Variants in CNTNAP2 observed in about 807,000 individuals in gnomAD.
CNTNAP2 encodes the protein contactin associated protein 2.
CNTNAP2 carries 98 observed loss-of-function variants against 155.2 expected under a neutral mutation model. That is an observed-to-expected ratio of 0.63 (90% confidence interval 0.54 to 0.75). The LOEUF (loss-of-function observed/expected upper bound fraction) is 0.75, where lower values mean the gene tolerates loss of function less well. Among genes scored for constraint, CNTNAP2 ranks in the 30% least tolerant of loss-of-function variants. The pLI is 0.00. For missense variants in CNTNAP2, 1,727 were observed against 1,688.1 expected (o/e 1.02, Z -0.40); for synonymous variants, 651 against 631.2 (o/e 1.03, Z -0.47).
intron 22 of CNTNAP2, among the ~76,000 whole-genome samples, chr7:148,399,364 A>G (rs1799536808): frequency 6.6e-6 from 1 of 152,188 alleles, no homozygotes; most frequent in African/African-American, 2.4e-5. Flanking sequence ...TCCCAGCTAC[A>G]TGAGTCCAGG....
Position 147,950,381 on chromosome 7 carries a change from AAAAAAAAAAAAAG to A in CNTNAP2, c.2256-27479_2256-27467del, listed in dbSNP as rs1800905711. Among the ~76,000 whole-genome samples the A allele has an allele frequency of 3.3e-5, 5 of 150,968 alleles. No individual in the cohort carries two copies. The South Asian group carries it at 1.0e-3, about 32-fold the overall frequency. ...TAGAGAGGCAAAAAAAAAAAAAAAA[AAAAAAAAAAAAAG>A]ACCTTACAGTTTTGTTTATTGTGCT... On this transcript the variant is annotated intron_variant, in intron 14 of 23. Coordinates refer to ENST00000361727, the MANE Select transcript of CNTNAP2 (RefSeq NM_014141.6).
At chr7:146,381,948 A>G (rs112172309) in intron 1 of CNTNAP2, among the ~76,000 whole-genome samples, 6,270 of 152,224 alleles carry the variant, frequency 0.041, 462 homozygotes, top group African/African-American at 0.14. Context: ...TCCTTCCCTG[A>G]TTAAGGTTTG....
At chr7:147,921,510 T>A (rs1313157428) in intron 14 of CNTNAP2, among the ~76,000 whole-genome samples, 1 of 152,190 alleles carries the variant, frequency 6.6e-6, no homozygotes, top group South Asian at 2.1e-4. Context: ...AAAATAGACT[T>A]TTCCAAAGTC....
chr7:147,728,197 G>A (rs978321368), intron 13 of CNTNAP2, among the ~76,000 whole-genome samples: 1 of 146,380 alleles, frequency 6.8e-6, no homozygotes, highest in African/African-American at 2.5e-5. Context: ...GTGTGTGTGT[G>A]ATCAATTCTT....
At chr7:147,768,500 G>GA (rs1797417262) in intron 13 of CNTNAP2, among the ~76,000 whole-genome samples, 1 of 152,022 alleles carries the variant, frequency 6.6e-6, no homozygotes, top group Non-Finnish European at 1.5e-5. Context: ...AGATAAATGG[G>GA]AAAAATAGAA....
chr7:147,042,859 C>T (rs1799285938), intron 3 of CNTNAP2, among the ~76,000 whole-genome samples: 1 of 151,912 alleles, frequency 6.6e-6, no homozygotes, highest in African/African-American at 2.4e-5. Context: ...ATTTAGAATG[C>T]ATATTTGTAT....
At chr7:147,932,063 G>T (rs1349390230) in intron 14 of CNTNAP2, among the ~76,000 whole-genome samples, 1 of 151,834 alleles carries the variant, frequency 6.6e-6, no homozygotes, top group Non-Finnish European at 1.5e-5. Flanking sequence ...TTTTTTTATT[G>T]TTTGTAGAGA....
chr7:148,331,502 TGATG>T lies in CNTNAP2; in HGVS notation c.3476-52128_3476-52125del, dbSNP rs1196063287. ...GACGGATGGAATGGACAGATGGAGT[TGATG>T]GATGGATGGATGGATGGAATGGATG... On this transcript the variant is annotated intron_variant, in intron 21 of 23. Coordinates refer to ENST00000361727, the MANE Select transcript of CNTNAP2 (RefSeq NM_014141.6). Among the ~76,000 whole-genome samples, 87 of 46,868 alleles carry T rather than the reference TGATG, an allele frequency of 1.9e-3. 3 individuals are homozygous for T. The highest frequency in any genetic ancestry group is 7.8e-3 in the African/African-American group (79 of 10,156). 30.7% of individuals were successfully genotyped at this position (46,868 alleles called of 152,430 possible). A position where few individuals can be genotyped will look rare whatever the true frequency, so the allele number is the denominator to read the frequency against.
At chr7:146,220,527 A>G (rs1486520729) in intron 1 of CNTNAP2, among the ~76,000 whole-genome samples, 2 of 152,188 alleles carry the variant, frequency 1.3e-5, no homozygotes, top group African/African-American at 4.8e-5. Flanking sequence ...GTACTAGTAT[A>G]GAAAGCACCT....
At chr7:147,718,204 G>T (rs538656541) in intron 13 of CNTNAP2, among the ~76,000 whole-genome samples, 41 of 152,172 alleles carry the variant, frequency 2.7e-4, no homozygotes, top group Middle Eastern at 6.8e-3. Flanking sequence ...GCCATGGAAT[G>T]CTGCCTCAAA....
At chr7:146,633,440 T>C (rs1250171764) in intron 1 of CNTNAP2, among the ~76,000 whole-genome samples, 1 of 152,120 alleles carries the variant, frequency 6.6e-6, no homozygotes, top group Non-Finnish European at 1.5e-5. Flanking sequence ...AGGAGATAGC[T>C]TTGTTCTGTA....
intron 1 of CNTNAP2, among the ~76,000 whole-genome samples, chr7:146,479,610 TA>T (rs960444811): frequency 2.7e-4 from 41 of 152,120 alleles, no homozygotes; most frequent in South Asian, 1.2e-3. Context: ...AATTAATTTA[TA>T]AAAAATTAAG....
At chr7:146,412,600 T>G (rs890415740) in intron 1 of CNTNAP2, among the ~76,000 whole-genome samples, 2 of 152,224 alleles carry the variant, frequency 1.3e-5, no homozygotes, top group African/African-American at 2.4e-5. Context: ...GCCTCCATAG[T>G]GCTAAAGATG....
intron 15 of CNTNAP2, among the ~76,000 whole-genome samples, chr7:148,072,563 C>T (rs766121640): frequency 9.9e-5 from 15 of 152,180 alleles, no homozygotes; most frequent in Non-Finnish European, 1.9e-4. Flanking sequence ...CATTCTTAGC[C>T]TGTGGGTCGC....
chr7:146,130,951 C>A (rs1797704526), intron 1 of CNTNAP2, among the ~76,000 whole-genome samples: 1 of 152,144 alleles, frequency 6.6e-6, no homozygotes, highest in South Asian at 2.1e-4. Flanking sequence ...GATCCAGTCA[C>A]CCCCAACCAG....
intron 13 of CNTNAP2, among the ~76,000 whole-genome samples, chr7:147,750,899 G>C (rs1218322168): frequency 1.3e-5 from 2 of 152,060 alleles, no homozygotes; most frequent in Admixed American, 1.3e-4. Context: ...ATTTGGCTGG[G>C]CATGGTGGTG....
intron 1 of CNTNAP2, among the ~76,000 whole-genome samples, chr7:146,648,026 T>C (rs1401422785): frequency 1.3e-5 from 2 of 152,122 alleles, no homozygotes. Flanking sequence ...ACCCTGGATC[T>C]GGCTATAGTC....
intron 11 of CNTNAP2, among the ~76,000 whole-genome samples, chr7:147,490,673 C>T (rs1293433913): frequency 6.6e-6 from 1 of 152,128 alleles, no homozygotes; most frequent in Non-Finnish European, 1.5e-5. Context: ...GGAGTTTGAG[C>T]ATTGCTACAA....
At chr7:148,323,379 T>G (rs1797835339) in intron 21 of CNTNAP2, among the ~76,000 whole-genome samples, 1 of 146,068 alleles carries the variant, frequency 6.8e-6, no homozygotes, top group African/African-American at 2.5e-5. Flanking sequence ...TAGGATTTCT[T>G]ACATTACTTT....
Sources: gnomAD v4.1 joint callset for allele counts (sites outside exome capture counted in the v4.1 genomes callset) on GRCh38, gnomAD v4.1.1 for gene constraint, MANE v1.5 for transcripts, NCBI Gene and HGNC (gene_info 2026-07-23, HGNC 2026-07-21) for gene names.